PIK3C2G: variants seen among roughly 807,000 people sequenced by gnomAD.
PIK3C2G encodes phosphatidylinositol-4-phosphate 3-kinase catalytic subunit type 2 gamma.
In PIK3C2G, 168 loss-of-function variants were observed where a neutral mutation model predicts 181.1. The observed-to-expected ratio is 0.93, with a 90% confidence interval of 0.82 to 1.05. The LOEUF is 1.05. Ranked by LOEUF, PIK3C2G falls within the 50% of genes least tolerant of loss-of-function variation. PIK3C2G has a pLI of 0.00. For missense variants in PIK3C2G, 1,869 were observed against 1,732.8 expected (o/e 1.08, Z -1.40); for synonymous variants, 573 against 592.2 (o/e 0.97, Z 0.47).
chr12:18,376,363 T>C (rs956097925), intron 13 of PIK3C2G, among the ~76,000 whole-genome samples: 3 of 152,232 alleles, frequency 2.0e-5, no homozygotes, highest in African/African-American at 7.2e-5. Flanking sequence ...GTAACTCCTT[T>C]CTTTTGGCCA....
chr12:18,499,485 C>T (rs1033550514), intron 22 of PIK3C2G, among the ~76,000 whole-genome samples: 1 of 152,202 alleles, frequency 6.6e-6, no homozygotes, highest in Non-Finnish European at 1.5e-5. Context: ...AACATTATTG[C>T]TGAGTATCAT....
chr12:18,648,906 T>A (rs1950300185), downstream of PIK3C2G, among the ~76,000 whole-genome samples: 1 of 152,054 alleles, frequency 6.6e-6, no homozygotes, highest in South Asian at 2.1e-4. Flanking sequence ...ACTGAAAAAA[T>A]TTAAATCCCT....
intron 29 of PIK3C2G, among the ~76,000 whole-genome samples, chr12:18,586,129 A>G (rs1207339528): frequency 6.6e-6 from 1 of 152,130 alleles, no homozygotes; most frequent in Non-Finnish European, 1.5e-5. Flanking sequence ...TAACATCACA[A>G]CTAAAAGAAC....
chr12:18,645,363 A>C (rs542149066), intron 32 of PIK3C2G, among the ~76,000 whole-genome samples: 3 of 152,214 alleles, frequency 2.0e-5, no homozygotes, highest in Admixed American at 6.5e-5. Flanking sequence ...ATAATGTGCA[A>C]TGATTACAGG....
chr12:18,601,002 G>A (rs1035007421), intron 30 of PIK3C2G, among the ~76,000 whole-genome samples: 3 of 151,814 alleles, frequency 2.0e-5, no homozygotes, highest in Non-Finnish European at 4.4e-5. Flanking sequence ...GGATTACAAG[G>A]GTGGCAAATA....
At chr12:18,317,078 A>G (rs1361417219) in intron 6 of PIK3C2G, among the ~76,000 whole-genome samples, 3 of 133,188 alleles carry the variant, frequency 2.3e-5, no homozygotes, top group African/African-American at 8.9e-5. Flanking sequence ...CAGTGGCGTG[A>G]TCTTGGCTCA....
At chr12:18,547,125 T>A (rs1659354953) in intron 26 of PIK3C2G, among the ~76,000 whole-genome samples, 1 of 152,024 alleles carries the variant, frequency 6.6e-6, no homozygotes, top group African/African-American at 2.4e-5. Flanking sequence ...ATTGTGGTCT[T>A]GAGTCTAATT....
intron 8 of PIK3C2G, among the ~76,000 whole-genome samples, chr12:18,334,910 A>G (rs1938377548): frequency 6.6e-6 from 1 of 152,088 alleles, no homozygotes; most frequent in Admixed American, 6.6e-5. Context: ...GTAGGTCAGT[A>G]TAGAAAAGTG....
At chr12:18,637,975 C>CA (rs1949677663) in intron 31 of PIK3C2G, among the ~76,000 whole-genome samples, 1 of 152,148 alleles carries the variant, frequency 6.6e-6, no homozygotes, top group South Asian at 2.1e-4. Context: ...CCCGAAACAA[C>CA]AAAAAAATTT....
intron 24 of PIK3C2G, 86 bp downstream of exon 24, chr12:18,505,547 G>C: frequency 2.3e-6 from 2 of 882,260 alleles, no homozygotes; most frequent in Non-Finnish European, 3.2e-6. Flanking sequence ...CCCTGCTGAT[G>C]ACTTGCTCCC....
At chr12:18,509,179 G>A (rs1043965084) in intron 24 of PIK3C2G, among the ~76,000 whole-genome samples, 1 of 152,086 alleles carries the variant, frequency 6.6e-6, no homozygotes. Context: ...AGCCTCCTGA[G>A]TAGCTGTAAT....
At chr12:18,718,172 A>T in the PIK3C2G span, among the ~76,000 whole-genome samples, 1 of 152,174 alleles carries the variant, frequency 6.6e-6, no homozygotes, top group South Asian at 2.1e-4. Flanking sequence ...TTTTCAACTT[A>T]AGATATTTTC....
intron 10 of PIK3C2G, among the ~76,000 whole-genome samples, chr12:18,343,806 A>T (rs1020841503): frequency 6.6e-6 from 1 of 152,046 alleles, no homozygotes; most frequent in African/African-American, 2.4e-5. Flanking sequence ...AGCTAATATA[A>T]CAGGTAGGAG....
chr12:18,650,540 A>G (rs1950403018), downstream of PIK3C2G, among the ~76,000 whole-genome samples: 2 of 150,204 alleles, frequency 1.3e-5, no homozygotes. Context: ...CATTTACATT[A>G]CCATATAAAC....
intron 23 of PIK3C2G, among the ~76,000 whole-genome samples, 163 bp from the exon 24 acceptor site, chr12:18,505,129 A>G (rs921895569): frequency 6.6e-6 from 1 of 152,212 alleles, no homozygotes; most frequent in Non-Finnish European, 1.5e-5. Context: ...GTAGCAGATC[A>G]AGAATCAGCT....
chr12:18,278,651 G>A (rs1389210491), intron 1 of PIK3C2G, among the ~76,000 whole-genome samples: 1 of 152,080 alleles, frequency 6.6e-6, no homozygotes, highest in Non-Finnish European at 1.5e-5. Context: ...TCTCAAATAT[G>A]TCACAATTGC....
chr12:18,532,514 G>A (rs891163100), intron 24 of PIK3C2G, among the ~76,000 whole-genome samples: 29 of 152,182 alleles, frequency 1.9e-4, no homozygotes, highest in African/African-American at 6.7e-4. Context: ...TGAAGTTTGG[G>A]TCGTTTATAT....
At chr12:18,290,710 A>G in intron 3 of PIK3C2G, 145 bp from the exon 4 acceptor site, 2 of 628,366 alleles carry the variant, frequency 3.2e-6, no homozygotes, top group Non-Finnish European at 5.6e-6. Context: ...TGCATCACAA[A>G]TCAATTACTG....
intron 29 of PIK3C2G, among the ~76,000 whole-genome samples, chr12:18,590,453 T>C (rs1051722561): frequency 6.6e-6 from 1 of 151,896 alleles, no homozygotes; most frequent in African/African-American, 2.4e-5. Flanking sequence ...TAACCCTACA[T>C]ATGGGGAACC....
Sources: allele counts gnomAD v4.1 joint callset (sites outside exome capture counted in the v4.1 genomes callset), GRCh38; gene constraint gnomAD v4.1.1; transcripts MANE v1.5; gene names NCBI Gene and HGNC (gene_info 2026-07-23, HGNC 2026-07-21).